KRAS: variants seen among roughly 807,000 people sequenced by gnomAD.
KRAS encodes the protein GTPase KRas.
A neutral mutation model predicts 21.0 loss-of-function variants in KRAS; 1 was observed. The ratio of observed to expected loss-of-function variants is 0.05; its 90% CI spans 0.02 to 0.23. The LOEUF (loss-of-function observed/expected upper bound fraction) is 0.23. KRAS is among the 10% of genes least tolerant of loss of function. The pLI, the probability that KRAS is intolerant of heterozygous loss-of-function variation, is 1.00. For missense variants in KRAS, 107 were observed against 221.8 expected (o/e 0.48, Z 3.29); for synonymous variants, 67 against 72.5 (o/e 0.92, Z 0.39).
chr12:25,212,607 G>A (rs190758448), intron 4 of KRAS, among the ~76,000 whole-genome samples: 1 of 152,094 alleles, frequency 6.6e-6, no homozygotes, highest in African/African-American at 2.4e-5. Flanking sequence ...AATTTCAATC[G>A]TGAAGGAAAT....
chr12:25,214,953 T>C (rs1951237495), intron 4 of KRAS, among the ~76,000 whole-genome samples: 2 of 152,154 alleles, frequency 1.3e-5, no homozygotes. Flanking sequence ...GCCACTGAGA[T>C]GGCGAACTTA....
At chr12:25,220,642 G>A (rs1018569288) in intron 4 of KRAS, among the ~76,000 whole-genome samples, 1 of 151,574 alleles carries the variant, frequency 6.6e-6, no homozygotes, top group Non-Finnish European at 1.5e-5. Flanking sequence ...CAGGAAAATC[G>A]CTTGAATCCG....
chr12:25,216,975 G>A (rs1951262287), intron 4 of KRAS, among the ~76,000 whole-genome samples: 2 of 151,920 alleles, frequency 1.3e-5, no homozygotes, highest in South Asian at 4.2e-4. Flanking sequence ...TAATTTTAAG[G>A]GAATTCTATT....
intron 2 of KRAS, among the ~76,000 whole-genome samples, chr12:25,240,435 C>T (rs1951596594): frequency 6.6e-6 from 1 of 152,116 alleles, no homozygotes; most frequent in Admixed American, 6.5e-5. Context: ...AAAAGTAAAA[C>T]TTGAATTTGC....
intron 1 of KRAS, among the ~76,000 whole-genome samples, chr12:25,248,060 T>C (rs1951707699): frequency 2.0e-5 from 3 of 152,090 alleles, no homozygotes; most frequent in Admixed American, 2.0e-4. Context: ...AAGGTCTCAC[T>C]ATGTTGAGTA....
At chr12:25,218,538 T>C (rs919264126) in intron 4 of KRAS, among the ~76,000 whole-genome samples, 1 of 152,154 alleles carries the variant, frequency 6.6e-6, no homozygotes, top group Non-Finnish European at 1.5e-5. Flanking sequence ...CAGGGTGACT[T>C]TTACCATTTC....
In KRAS at chr12:25,207,623, T is replaced by C. The variant is rs928146114; in HGVS notation, c.*2172A>G. 2 of 231,248 alleles carry C rather than the reference T, an allele frequency of 8.6e-6. No homozygotes were observed. The highest frequency in any genetic ancestry group is 1.7e-5 in the Non-Finnish European group (2 of 116,928). The allele number at this position is 231,248 out of a possible 1,614,324, so 14.3% of individuals were successfully genotyped here. A position where few individuals can be genotyped will look rare whatever the true frequency, so the allele number is the denominator to read the frequency against. ...CTGTTACCAGGAGTAGTCCTAGTTA[T>C]AGATTACCTAAGGAATTCTTTCAGC... On this transcript the variant is annotated 3_prime_UTR_variant, in exon 5 of 5. Coordinates refer to ENST00000311936, the MANE Select transcript of KRAS (RefSeq NM_004985.5).
chr12:25,231,603 A>C (rs1277098589), intron 2 of KRAS, among the ~76,000 whole-genome samples: 1 of 152,136 alleles, frequency 6.6e-6, no homozygotes, highest in Non-Finnish European at 1.5e-5. Flanking sequence ...TTCACTGATA[A>C]ATCTCATTCC....
Position 25,245,638 on chromosome 12 carries a change from C to T in KRAS, c.-11-243G>A, listed in dbSNP as rs541529682. Among the ~76,000 whole-genome samples the T allele has an allele frequency of 2.0e-5, 3 of 152,338 alleles. No homozygotes were observed. In the South Asian group the frequency reaches 6.2e-4, roughly 32 times the overall value. ...GCTTAAGAAAAATGCATAAATGCTA[C>T]ATAGACAGTTCTTTTATCTTAAAAT... is the stretch of plus-strand genomic sequence containing the variant. On this transcript the variant is annotated intron_variant, in intron 1 of 4. Transcript: ENST00000311936.
intron 1 of KRAS, among the ~76,000 whole-genome samples, chr12:25,249,766 C>A (rs1339666586): frequency 6.6e-6 from 1 of 151,660 alleles, no homozygotes; most frequent in Non-Finnish European, 1.5e-5. Flanking sequence ...ATAAAAGAGA[C>A]GAGGGGATGA....
intron 2 of KRAS, among the ~76,000 whole-genome samples, chr12:25,232,536 A>G (rs569637431): frequency 6.6e-6 from 1 of 152,198 alleles, no homozygotes; most frequent in Non-Finnish European, 1.5e-5. Flanking sequence ...GAAACTAGTT[A>G]ATAATGGAGC....
chr12:25,232,189 T>G (rs1480779000), intron 2 of KRAS, among the ~76,000 whole-genome samples: 8 of 152,190 alleles, frequency 5.3e-5, no homozygotes, highest in Admixed American at 5.2e-4. Context: ...CAATGTAGAC[T>G]CTTTCAAAAA....
At chr12:25,244,207 G>T (rs1280417741) in intron 2 of KRAS, among the ~76,000 whole-genome samples, 1 of 152,092 alleles carries the variant, frequency 6.6e-6, no homozygotes, top group Non-Finnish European at 1.5e-5. Flanking sequence ...TCACAGCTTG[G>T]AACTTGAAGA....
At chr12:25,212,692 A>G (rs906111337) in intron 4 of KRAS, among the ~76,000 whole-genome samples, 4 of 152,150 alleles carry the variant, frequency 2.6e-5, no homozygotes, top group Non-Finnish European at 5.9e-5. Context: ...TACACATAAC[A>G]TTATCTTTTT....
intron 4 of KRAS, chr12:25,210,641 T>C (rs1951191715): frequency 6.6e-6 from 1 of 152,178 alleles, no homozygotes; most frequent in South Asian, 2.1e-4. Flanking sequence ...AAAGGTCTTA[T>C]AGTTTACCAA....
chr12:25,240,013 G>A (rs763076595), intron 2 of KRAS, among the ~76,000 whole-genome samples: 21 of 151,858 alleles, frequency 1.4e-4, no homozygotes, highest in Non-Finnish European at 1.5e-4. Context: ...GGATTAAGGA[G>A]GGACACACTA....
intron 2 of KRAS, 94 bp downstream of exon 2, chr12:25,245,180 T>C: frequency 2.3e-6 from 3 of 1,296,468 alleles, no homozygotes; most frequent in Admixed American, 4.0e-5. Flanking sequence ...ATAATTATCT[T>C]GTAATAAGTA....
intron 4 of KRAS, among the ~76,000 whole-genome samples, chr12:25,214,535 G>C (rs1210828911): frequency 1.3e-5 from 2 of 151,968 alleles, no homozygotes; most frequent in African/African-American, 4.8e-5. Flanking sequence ...TTACAGGCAC[G>C]TGCCACCACG....
At chr12:25,231,092 CTTTTTTTTTT>C (rs34361223) in intron 2 of KRAS, among the ~76,000 whole-genome samples, 6 of 66,364 alleles carry the variant, frequency 9.0e-5, no homozygotes, top group African/African-American at 2.9e-4. Flanking sequence ...ACCTCACATT[CTTTTTTTTTT>C]TTTTTTTTTT....
Sources: gnomAD v4.1 joint callset for allele counts (sites outside exome capture counted in the v4.1 genomes callset) on GRCh38, gnomAD v4.1.1 for gene constraint, MANE v1.5 for transcripts, NCBI Gene and HGNC (gene_info 2026-07-23, HGNC 2026-07-21) for gene names.